SCAPER: variants seen among roughly 807,000 people sequenced by gnomAD.
The protein encoded by SCAPER is S phase cyclin A-associated protein in the endoplasmic reticulum.
In SCAPER, 98 loss-of-function variants were observed where a neutral mutation model predicts 182.2. The ratio of observed to expected loss-of-function variants is 0.54; its 90% CI spans 0.46 to 0.64. SCAPER has a LOEUF of 0.64. SCAPER is among the 30% of genes least tolerant of loss of function. The probability of loss-of-function intolerance (pLI) is 0.00; values close to 1 mark genes in which losing one functional copy is unlikely to be tolerated. For synonymous variants in SCAPER, 605 were observed against 564.6 expected (o/e 1.07, Z -1.01); for missense variants, 1,432 against 1,690.0 (o/e 0.85, Z 2.68).
Position 76,804,455 on chromosome 15 carries a change from T to C in SCAPER, c.494+78A>G, listed in dbSNP as rs114679424. Reference sequence around the variant, plus strand: ...TTACAAGTTTCAACTCAATATGAGGTTAAGTTTATTGTCCGTTTCAGTGAT... The same window carrying C: ...TTACAAGTTTCAACTCAATATGAGGCTAAGTTTATTGTCCGTTTCAGTGAT... On this transcript the variant is annotated intron_variant, in intron 6 of 31. Coordinates refer to ENST00000563290, the MANE Select transcript of SCAPER (RefSeq NM_020843.4). The C allele has an allele frequency of 3.9e-4, 347 of 899,442 alleles. 1 individual carries two copies. In the African/African-American group the frequency reaches 5.3e-3, roughly 14 times the overall value. 55.7% of individuals were successfully genotyped at this position (899,442 alleles called of 1,614,324 possible). A position where few individuals can be genotyped will look rare whatever the true frequency, so the allele number is the denominator to read the frequency against.
rs546806236 is a variant in SCAPER at position 76,421,255 on chromosome 15, T to C, written c.3311+12823A>G. 3.2e-3 allele frequency among the ~76,000 whole-genome samples: 494 copies of C among 152,330 alleles called. 1 individual carries two copies. The highest frequency in any genetic ancestry group is 4.5e-3 in the Non-Finnish European group (303 of 68,040). Reference sequence around the variant, plus strand: ...CCCACCAACAGTGTAAAAGTGTTCCTATTTCTCCACATCCTCTCCAGCACC... The same window carrying C: ...CCCACCAACAGTGTAAAAGTGTTCCCATTTCTCCACATCCTCTCCAGCACC... On this transcript the variant is annotated intron_variant, in intron 26 of 31. Transcript: ENST00000563290.
intron 20 of SCAPER, among the ~76,000 whole-genome samples, chr15:76,690,696 G>A (rs1047833244): frequency 6.6e-6 from 1 of 151,962 alleles, no homozygotes; most frequent in South Asian, 2.1e-4. Context: ...AGAACATCAG[G>A]TCTAGATAGT....
chr15:76,834,526 G>A (rs769344617), intron 5 of SCAPER, among the ~76,000 whole-genome samples: 6 of 151,984 alleles, frequency 3.9e-5, no homozygotes, highest in South Asian at 2.1e-4. Context: ...GAACACTGAC[G>A]GGCAAGGATA....
At position 76,687,387 on chromosome 15, in the gene SCAPER, C is replaced by T. The variant is rs142920335; in HGVS notation, c.2508+14371G>A. Among the ~76,000 whole-genome samples, 497 of 152,084 alleles carry T rather than the reference C, an allele frequency of 3.3e-3. 5 individuals carry two copies. Among genetic ancestry groups the T allele is most frequent in the African/African-American group, 0.011 (460 of 41,464 alleles). On this transcript the variant is annotated intron_variant, in intron 20 of 31. Coordinates refer to ENST00000563290, the MANE Select transcript of SCAPER (RefSeq NM_020843.4). Reference sequence around the variant, plus strand: ...TAAGCCATATTCTCTTACCATTATCCGATAAAAGTAAAAATTAAAAATCAA... The same window carrying T: ...TAAGCCATATTCTCTTACCATTATCTGATAAAAGTAAAAATTAAAAATCAA...
chr15:76,738,106 A>C (rs1379694819), intron 15 of SCAPER, among the ~76,000 whole-genome samples: 1 of 152,212 alleles, frequency 6.6e-6, no homozygotes, highest in Non-Finnish European at 1.5e-5. Context: ...ACTGACTAGC[A>C]TAAGAGGCCT....
Position 76,798,355 on chromosome 15 carries a change from A to G in SCAPER, c.611+1893T>C, listed in dbSNP as rs181847924. On this transcript the variant is annotated intron_variant, in intron 7 of 31. Transcript: ENST00000563290. ...AGCCTGGGCAACAGAGCAAGACTAT[A>G]TCTTAAAAAAAAAAAAAAAGAAAAG... is the stretch of plus-strand genomic sequence containing the variant. 1.1e-3 allele frequency among the ~76,000 whole-genome samples: 164 copies of G among 145,032 alleles called. 1 individual carries two copies. The highest frequency in any genetic ancestry group is 3.9e-3 in the African/African-American group (158 of 40,280).
intron 20 of SCAPER, among the ~76,000 whole-genome samples, chr15:76,673,727 CAG>C (rs2057184767): frequency 6.6e-6 from 1 of 152,006 alleles, no homozygotes; most frequent in Non-Finnish European, 1.5e-5. Context: ...TAAAAGTAAG[CAG>C]AGTTTCTTAC....
chr15:76,632,181 C>T (rs775190228), intron 21 of SCAPER, among the ~76,000 whole-genome samples: 71 of 151,954 alleles, frequency 4.7e-4, no homozygotes, highest in Middle Eastern at 3.4e-3. Context: ...GTAACAGCTC[C>T]GGTAACGGTT....
At chr15:76,511,979 T>C (rs1279679305) in intron 23 of SCAPER, among the ~76,000 whole-genome samples, 4 of 150,734 alleles carry the variant, frequency 2.7e-5, no homozygotes, top group Non-Finnish European at 5.9e-5. Flanking sequence ...GCCTCCTGAG[T>C]TCAAGTGATT....
At position 76,661,264 on chromosome 15, in the gene SCAPER, C is replaced by T. The variant is rs139495942; in HGVS notation, c.2645+4389G>A. ...GAGGCAGTACCTTTCAGGATACAGG[C>T]ATGGGCAAAGATTTTATGATGAAAT... On this transcript the variant is annotated intron_variant, in intron 21 of 31. Coordinates refer to ENST00000563290, the MANE Select transcript of SCAPER (RefSeq NM_020843.4). Among the ~76,000 whole-genome samples, 177 of 152,214 alleles carry T rather than the reference C, an allele frequency of 1.2e-3. 2 individuals carry two copies. The highest frequency in any genetic ancestry group is 2.0e-3 in the Admixed American group (31 of 15,286).
At chr15:76,502,633 A>C (rs1254753071) in intron 24 of SCAPER, among the ~76,000 whole-genome samples, 2 of 152,170 alleles carry the variant, frequency 1.3e-5, no homozygotes, top group East Asian at 3.8e-4. Context: ...ATGATGAGTT[A>C]ATGGGTGCAG....
intron 26 of SCAPER, among the ~76,000 whole-genome samples, chr15:76,406,753 C>T (rs145345581): frequency 6.8e-4 from 103 of 152,208 alleles, no homozygotes; most frequent in African/African-American, 2.3e-3. Context: ...TTTTATCTGC[C>T]CAGCACATTC....
chr15:76,393,537 T>A (rs1452232084), intron 27 of SCAPER, among the ~76,000 whole-genome samples: 3 of 152,210 alleles, frequency 2.0e-5, no homozygotes, highest in Non-Finnish European at 4.4e-5. Flanking sequence ...GGAACTCATT[T>A]ATCTTTAGGG....
chr15:76,507,503 T>G (rs1264257722), intron 23 of SCAPER, among the ~76,000 whole-genome samples: 1 of 152,172 alleles, frequency 6.6e-6, no homozygotes. Context: ...CTTGAAACGC[T>G]GAAATACTGA....
At chr15:76,395,123 T>C (rs2043965010) in intron 27 of SCAPER, among the ~76,000 whole-genome samples, 1 of 152,182 alleles carries the variant, frequency 6.6e-6, no homozygotes, top group East Asian at 1.9e-4. Context: ...GCCTAGTTTA[T>C]TTTACTTAAC....
At chr15:76,440,431 T>C (rs1390449922) in intron 25 of SCAPER, among the ~76,000 whole-genome samples, 1 of 152,270 alleles carries the variant, frequency 6.6e-6, no homozygotes, top group African/African-American at 2.4e-5. Flanking sequence ...TCTATTGTTC[T>C]GTAATGTGAT....
chr15:76,573,571 T>TA (rs548780861), intron 23 of SCAPER, among the ~76,000 whole-genome samples: 60 of 152,192 alleles, frequency 3.9e-4, no homozygotes, highest in African/African-American at 1.3e-3. Flanking sequence ...TAAAATAATG[T>TA]AAAAAAGTCC....
intron 20 of SCAPER, among the ~76,000 whole-genome samples, chr15:76,667,927 C>A (rs1369601255): frequency 2.0e-5 from 3 of 151,790 alleles, no homozygotes; most frequent in Non-Finnish European, 4.4e-5. Context: ...CGTGCCACTG[C>A]ACTCCAGCCT....
At chr15:76,597,274 A>T (rs1415564315) in intron 22 of SCAPER, among the ~76,000 whole-genome samples, 1 of 121,614 alleles carries the variant, frequency 8.2e-6, no homozygotes, top group African/African-American at 2.5e-5. Flanking sequence ...CTTCAAGGAG[A>T]ACTACAAACC....
Sources: allele counts gnomAD v4.1 joint callset (sites outside exome capture counted in the v4.1 genomes callset), GRCh38; gene constraint gnomAD v4.1.1; transcripts MANE v1.5; gene names NCBI Gene and HGNC (gene_info 2026-07-23, HGNC 2026-07-21).